PBRM1: variants seen among roughly 807,000 people sequenced by gnomAD.
The protein encoded by PBRM1 is protein polybromo-1.
PBRM1 carries 27 observed loss-of-function variants against 194.5 expected under a neutral mutation model. That is an observed-to-expected ratio of 0.14 (90% confidence interval 0.10 to 0.19). The LOEUF is 0.19. Among genes scored for constraint, PBRM1 ranks in the 10% least tolerant of loss-of-function variants. The pLI is 1.00. For synonymous variants in PBRM1, 655 were observed against 693.2 expected (o/e 0.94, Z 0.87); for missense variants, 1,466 against 2,077.2 (o/e 0.71, Z 5.72).
chr3:52,678,689 G>A (rs111908701), intron 1 of PBRM1, 92 bp from the exon 3 acceptor site: 7 of 725,884 alleles, frequency 9.6e-6, no homozygotes, highest in African/African-American at 5.3e-5. Flanking sequence ...TCAATAAAAG[G>A]CAAGTAGAGA....
exon 8 of PBRM1, chr3:52,644,740 T>A (rs370211100): frequency 6.4e-7 from 1 of 1,563,078 alleles, no homozygotes; most frequent in African/African-American, 1.4e-5. Flanking sequence ...TTCATGATGT[T>A]CAATTTCAGC....
chr3:52,676,967 C>A (rs879750721), intron 2 of PBRM1, among the ~76,000 whole-genome samples: 3 of 152,154 alleles, frequency 2.0e-5, no homozygotes, highest in Non-Finnish European at 4.4e-5. Flanking sequence ...GGGTATCTGG[C>A]AGAAGAAACT....
rs1385374123 is a variant in PBRM1 at position 52,603,441 on chromosome 3, A to G, written c.2779+80T>C. ...CTGAGTTTTCATTCATACAAACAGG[A>G]CTCTTTTCCACAGCTAATTATGAGA... On this transcript the variant is annotated intron_variant, in intron 17 of 29. Transcript: ENST00000296302. 3 of 1,437,678 alleles carry G rather than the reference A, an allele frequency of 2.1e-6. No homozygotes were observed. The Admixed American group carries it at 6.7e-5, about 32-fold the overall frequency. The allele number at this position is 1,437,678 out of a possible 1,614,324, so 89.1% of individuals were successfully genotyped here.
chr3:52,564,242 G>C lies in PBRM1; in HGVS notation c.3692-9C>G. ...CAACACAGCACACTTTCCTGAAAGA[G>C]AAAATTAGAAAGAAATTAAAGGAGT... On this transcript the variant is annotated splice_polypyrimidine_tract_variant and intron_variant, in intron 22 of 29. Transcript: ENST00000296302. 1.2e-6 allele frequency: 2 copies of C among 1,602,796 alleles called. No homozygotes were observed. The highest frequency in any genetic ancestry group is 2.2e-5 in the South Asian group (2 of 90,234).
exon 6 of PBRM1, chr3:52,651,785 A>C: frequency 6.2e-7 from 1 of 1,605,356 alleles, no homozygotes; most frequent in Non-Finnish European, 8.5e-7. Flanking sequence ...AGGCTCCTTA[A>C]TTATTGCATA....
intron 13 of PBRM1, among the ~76,000 whole-genome samples, chr3:52,618,550 A>T (rs2095094826): frequency 6.6e-6 from 1 of 152,090 alleles, no homozygotes; most frequent in Non-Finnish European, 1.5e-5. Flanking sequence ...TCTCCAAGTG[A>T]ACAGTGAAGT....
intron 29 of PBRM1, among the ~76,000 whole-genome samples, chr3:52,550,027 G>A (rs1045001971): frequency 3.3e-5 from 5 of 152,176 alleles, no homozygotes; most frequent in South Asian, 2.1e-4. Flanking sequence ...AGACCAGCCT[G>A]GCTGATATGG....
intron 1 of PBRM1, chr3:52,684,786 G>A (rs1291315603): frequency 6.6e-6 from 1 of 152,184 alleles, no homozygotes; most frequent in African/African-American, 2.4e-5. Context: ...CATTCCCAAA[G>A]CCAAAGAAAG....
At chr3:52,554,626 C>A in intron 27 of PBRM1, 98 bp downstream of exon 29, 1 of 1,067,920 alleles carries the variant, frequency 9.4e-7, no homozygotes, top group Non-Finnish European at 1.3e-6. Context: ...AAGGCCTGGC[C>A]ACAATGGGCC....
intron 17 of PBRM1, among the ~76,000 whole-genome samples, chr3:52,592,738 C>G (rs1040482121): frequency 6.6e-6 from 1 of 152,176 alleles, no homozygotes; most frequent in African/African-American, 2.4e-5. Context: ...ATGGTACCAG[C>G]TCTTCTTTGT....
In PBRM1 at chr3:52,628,874, G is replaced by A. The variant is rs2153594339; in HGVS notation, c.1443+20C>T. ...TTTAATCATATATACAACAAACTCAGCAAAAACAATAAATCACACCTGCAT... is the reference window on the plus strand; with the variant it reads ...TTTAATCATATATACAACAAACTCAACAAAAACAATAAATCACACCTGCAT... On this transcript the variant is annotated intron_variant, in intron 12 of 29. Coordinates refer to ENST00000296302, the Ensembl canonical transcript of PBRM1. The A allele has an allele frequency of 6.2e-7, 1 of 1,611,108 alleles. No individual in the cohort carries two copies.
chr3:52,674,455 C>G (rs1436881400), intron 2 of PBRM1, among the ~76,000 whole-genome samples: 6 of 145,254 alleles, frequency 4.1e-5, no homozygotes, highest in Non-Finnish European at 9.0e-5. Context: ...CCACTGCACT[C>G]CAGCCTGGTG....
At chr3:52,582,795 A>G (rs1187661950) in intron 20 of PBRM1, among the ~76,000 whole-genome samples, 1 of 151,692 alleles carries the variant, frequency 6.6e-6, no homozygotes, top group African/African-American at 2.4e-5. Context: ...TTGCCATCAA[A>G]CTGCTGGGTC....
At chr3:52,591,237 T>C (rs1486673686) in intron 17 of PBRM1, among the ~76,000 whole-genome samples, 1 of 152,176 alleles carries the variant, frequency 6.6e-6, no homozygotes, top group Non-Finnish European at 1.5e-5. Flanking sequence ...CCTATTTGAA[T>C]ACCCTTTATT....
chr3:52,577,082 T>C (rs1430990212), intron 21 of PBRM1, among the ~76,000 whole-genome samples: 7 of 152,190 alleles, frequency 4.6e-5, no homozygotes, highest in Non-Finnish European at 1.0e-4. Flanking sequence ...TCAGATCACA[T>C]GAGTGGCAGA....
chr3:52,584,708 G>C (rs1234382994), intron 20 of PBRM1, among the ~76,000 whole-genome samples: 1 of 151,698 alleles, frequency 6.6e-6, no homozygotes, highest in Non-Finnish European at 1.5e-5. Flanking sequence ...CACCTGCCCT[G>C]GCCTCCCAAA....
At chr3:52,668,214 T>C (rs989691932) in intron 3 of PBRM1, among the ~76,000 whole-genome samples, 2 of 152,174 alleles carry the variant, frequency 1.3e-5, no homozygotes, top group Non-Finnish European at 2.9e-5. Flanking sequence ...GGAGGATTGC[T>C]TGAACCTGGG....
intron 2 of PBRM1, among the ~76,000 whole-genome samples, chr3:52,675,843 C>T (rs574938794): frequency 0.011 from 490 of 46,056 alleles, 158 homozygotes; most frequent in African/African-American, 0.05. Context: ...GGGCCGGGCG[C>T]GGTGGCTCAC....
chr3:52,649,990 C>T (rs1010979167), intron 6 of PBRM1, among the ~76,000 whole-genome samples: 1 of 152,032 alleles, frequency 6.6e-6, no homozygotes, highest in Non-Finnish European at 1.5e-5. Flanking sequence ...AAACATAATC[C>T]TCCTACACAG....
Sources: allele counts gnomAD v4.1 joint callset (sites outside exome capture counted in the v4.1 genomes callset), GRCh38; gene constraint gnomAD v4.1.1; transcripts MANE v1.5; gene names NCBI Gene and HGNC (gene_info 2026-07-23, HGNC 2026-07-21).